The following TEK variants were observed in gnomAD, a reference collection of about 807,000 sequenced individuals.
TEK encodes the protein TEK receptor tyrosine kinase.
A neutral mutation model predicts 131.8 loss-of-function variants in TEK; 43 were observed. The observed-to-expected ratio is 0.33, with a 90% CI of 0.26 to 0.42. The LOEUF (loss-of-function observed/expected upper bound fraction) is 0.42, where lower values mean the gene tolerates loss of function less well. Ranked by LOEUF, TEK falls within the 10% of genes least tolerant of loss-of-function variation. TEK has a pLI of 1.00. For missense variants in TEK, 1,162 were observed against 1,384.4 expected (o/e 0.84, Z 2.55); for synonymous variants, 580 against 491.6 (o/e 1.18, Z -2.38).
intron 13 of TEK, 70 bp from the exon 14 acceptor site, chr9:27,204,841 C>T (rs1441549400): frequency 1.2e-6 from 2 of 1,602,856 alleles, no homozygotes; most frequent in South Asian, 1.1e-5. Flanking sequence ...GTGTCTTCTC[C>T]CACATACGGT....
chr9:27,137,331 A>G (rs928031763), intron 1 of TEK, among the ~76,000 whole-genome samples: 4 of 152,226 alleles, frequency 2.6e-5, no homozygotes, highest in Non-Finnish European at 5.9e-5. Context: ...TCTATGGAAG[A>G]TAAATCATTT....
intron 21 of TEK, 22 bp downstream of exon 21, chr9:27,220,167 G>T (rs565212845): frequency 1.2e-6 from 2 of 1,611,824 alleles, no homozygotes; most frequent in Non-Finnish European, 8.5e-7. Context: ...CTCATCCTGG[G>T]GCTATTTTGT....
intron 19 of TEK, among the ~76,000 whole-genome samples, chr9:27,218,473 T>C (rs1213529283): frequency 6.6e-6 from 1 of 152,046 alleles, no homozygotes; most frequent in Admixed American, 6.6e-5. Context: ...GTGGCAGAGA[T>C]TGGATTTAAC....
intron 7 of TEK, 125 bp from the exon 8 acceptor site, chr9:27,183,334 A>G: frequency 9.2e-7 from 1 of 1,089,058 alleles, no homozygotes; most frequent in Non-Finnish European, 1.4e-6. Context: ...TGTGATGACA[A>G]AACAGTAAAA....
chr9:27,206,448 T>G, intron 14 of TEK, 134 bp from the exon 15 acceptor site: 1 of 1,067,348 alleles, frequency 9.4e-7, no homozygotes, highest in Non-Finnish European at 1.4e-6. Flanking sequence ...GATGAAAACC[T>G]ATTTCCCTTT....
chr9:27,131,449 A>G (rs1383828026), intron 1 of TEK, among the ~76,000 whole-genome samples: 1 of 148,800 alleles, frequency 6.7e-6, no homozygotes, highest in African/African-American at 2.5e-5. Flanking sequence ...ACTGCACTCC[A>G]GCCTGGGTAA....
intron 1 of TEK, among the ~76,000 whole-genome samples, chr9:27,117,624 A>G (rs1821621638): frequency 6.6e-6 from 1 of 152,152 alleles, no homozygotes. Flanking sequence ...TCTGCATATT[A>G]GAGGAAGTAC....
chr9:27,210,094 A>G (rs138051559), intron 16 of TEK, among the ~76,000 whole-genome samples: 1 of 152,356 alleles, frequency 6.6e-6, no homozygotes, highest in East Asian at 1.9e-4. Flanking sequence ...ATTAAACTAA[A>G]AATACTGGTG....
rs7863225 is a variant in TEK at position 27,190,431 on chromosome 9, T to C, written c.1328-98T>C. 1.0e-5 allele frequency: 15 copies of C among 1,473,942 alleles called. No homozygotes were observed. In the African/African-American group the frequency reaches 2.0e-4, roughly 19 times the overall value. 91.3% of individuals were successfully genotyped at this position (1,473,942 alleles called of 1,614,324 possible). On this transcript the variant is annotated intron_variant, in intron 9 of 22. Transcript: ENST00000380036. ...TCTGAGCAGAAAACTTTAAGAGGAC[T>C]TTGTTGGACATGTAAAACATATCTT...
chr9:27,174,403 A>G (rs989726681), intron 6 of TEK, among the ~76,000 whole-genome samples: 1 of 152,244 alleles, frequency 6.6e-6, no homozygotes. Context: ...TCTAGTGTCC[A>G]CATTAAAAAA....
intron 20 of TEK, 21 bp from the exon 21 acceptor site, chr9:27,220,028 G>C: frequency 6.2e-7 from 1 of 1,612,464 alleles, no homozygotes. Context: ...AGGACTTAGA[G>C]TGGCACTGTT....
chr9:27,129,926 G>A (rs12336187), intron 1 of TEK, among the ~76,000 whole-genome samples: 80,288 of 152,000 alleles, frequency 0.53, 22,240 homozygotes, highest in Non-Finnish European at 0.56. Flanking sequence ...CTCATAGGTA[G>A]GTTTAAGTAT....
intron 18 of TEK, among the ~76,000 whole-genome samples, chr9:27,215,784 A>C (rs1466708273): frequency 6.6e-6 from 1 of 152,096 alleles, no homozygotes; most frequent in Non-Finnish European, 1.5e-5. Context: ...ATGACTCAGG[A>C]TTGTAACAGC....
chr9:27,167,236 TTTTA>T (rs775829919), intron 2 of TEK, among the ~76,000 whole-genome samples: 2,215 of 151,538 alleles, frequency 0.015, 78 homozygotes, highest in Admixed American at 0.073. Context: ...TTTTATTTTA[TTTTA>T]TTTTTGAGAC....
intron 21 of TEK, among the ~76,000 whole-genome samples, chr9:27,227,263 T>G (rs1240066286): frequency 6.6e-6 from 1 of 152,200 alleles, no homozygotes; most frequent in Admixed American, 6.5e-5. Flanking sequence ...ATTCTGCATT[T>G]TAATAACAGA....
Position 27,181,789 on chromosome 9 carries a change from G to A in TEK, c.1030+1421G>A, listed in dbSNP as rs560800672. Among the ~76,000 whole-genome samples, 3 of 152,242 alleles carry A rather than the reference G, an allele frequency of 2.0e-5. No individual in the cohort carries two copies. The South Asian group carries it at 6.2e-4, about 32-fold the overall frequency. On this transcript the variant is annotated intron_variant, in intron 7 of 22. Transcript: ENST00000380036. ...ATACTTTTTAAAATTAAAAGAAGCA[G>A]ACATATGTATTTTCAAACTTAATAA...
At chr9:27,204,694 T>G (rs1410124916) in intron 13 of TEK, among the ~76,000 whole-genome samples, 2 of 89,598 alleles carry the variant, frequency 2.2e-5, no homozygotes, top group South Asian at 3.2e-4. Flanking sequence ...CTTTTGCATG[T>G]TTTTTTTTTT....
chr9:27,174,158 C>A (rs954912510), intron 6 of TEK, among the ~76,000 whole-genome samples: 1 of 152,142 alleles, frequency 6.6e-6, no homozygotes, highest in Non-Finnish European at 1.5e-5. Flanking sequence ...TCTACTGTTG[C>A]ATAGTAGCTC....
At chr9:27,163,396 C>T (rs1421371296) in intron 2 of TEK, among the ~76,000 whole-genome samples, 3 of 152,030 alleles carry the variant, frequency 2.0e-5, no homozygotes, top group South Asian at 2.1e-4. Context: ...GCTATGAGGG[C>T]ATCTAACCTG....
Sources: allele counts gnomAD v4.1 joint callset (sites outside exome capture counted in the v4.1 genomes callset), GRCh38; gene constraint gnomAD v4.1.1; transcripts MANE v1.5; gene names NCBI Gene and HGNC (gene_info 2026-07-23, HGNC 2026-07-21).